Variants in CMTM1 observed in about 807,000 individuals in gnomAD.
CMTM1 encodes CKLF-like MARVEL transmembrane domain-containing protein 1.
CMTM1 carries 16 observed loss-of-function variants against 17.8 expected under a neutral mutation model. That is an observed-to-expected ratio of 0.90 (90% CI 0.61 to 1.37). The LOEUF (loss-of-function observed/expected upper bound fraction) is 1.37. CMTM1 is among the 40% of genes most tolerant of loss of function. The probability of loss-of-function intolerance (pLI) is 0.00; values close to 1 mark genes in which losing one functional copy is unlikely to be tolerated. For missense variants in CMTM1, 354 were observed against 375.6 expected (o/e 0.94, Z 0.47); for synonymous variants, 169 against 154.6 (o/e 1.09, Z -0.69).
rs975460384 is a variant in CMTM1, at chr16:66,566,701, C to T, written c.188C>T (p.Ser63Phe). ...HPAVSIRSAQSAAAARPQGSE... is the reference protein window; with the variant it reads ...HPAVSIRSAQFAAAARPQGSE... ...GCAGTCTCAATTCGCAGTGCGCAGT[C>T]CGCAGCCGCCGCACGTCCCCAAGGC... is the stretch of plus-strand genomic sequence containing the variant. Residue 63 changes from serine to phenylalanine, a missense_variant, in exon 1 of 4, where the codon TCC (serine) becomes TTC (phenylalanine). Ser to Phe is a radical substitution (Grantham distance 155). Coordinates refer to ENST00000379500, the MANE Select transcript of CMTM1 (RefSeq NM_052999.4). The surrounding 1 kb of genome is among the most constrained non-coding windows in gnomAD (Gnocchi z 4.9). The T allele has an allele frequency of 1.9e-6, 3 of 1,613,928 alleles. No individual in the cohort carries two copies. The highest frequency in any genetic ancestry group is 1.3e-5 in the African/African-American group (1 of 74,904).
chr16:66,567,842 T>C (rs1261044002), intron 1 of CMTM1, among the ~76,000 whole-genome samples: 1 of 152,186 alleles, frequency 6.6e-6, no homozygotes, highest in Non-Finnish European at 1.5e-5. Context: ...TGTGAATAAT[T>C]GGATGAAATG....
intron 2 of CMTM1, among the ~76,000 whole-genome samples, chr16:66,572,311 A>C (rs1440566315): frequency 6.6e-6 from 1 of 152,216 alleles, no homozygotes; most frequent in Admixed American, 6.5e-5. Context: ...TTTTTGAAAA[A>C]GACTCATCAA....
Position 66,566,840 on chromosome 16 carries a change from G to T in CMTM1, c.327G>T (p.Ala109=). Reference sequence around the variant, plus strand: ...AATCCAAACTCTTAAATGAGATGGCGATCAAAGAGCGCGTGGAGGGCCGAG... The same window carrying T: ...AATCCAAACTCTTAAATGAGATGGCTATCAAAGAGCGCGTGGAGGGCCGAG... ...HTESKLLNEM[A]IKERVEGRAK... The change falls in exon 1 of 4, where the codon GCG becomes GCT. Residue 109 remains alanine (A), a synonymous_variant. Coordinates refer to ENST00000379500, the MANE Select transcript of CMTM1 (RefSeq NM_052999.4). The surrounding 1 kb of genome is among the most constrained non-coding windows in gnomAD (Gnocchi z 4.9). 1 of 1,614,008 alleles carries T rather than the reference G, an allele frequency of 6.2e-7. No individual in the cohort carries two copies. Among genetic ancestry groups the T allele is most frequent in the Admixed American group, 1.7e-5 (1 of 60,010 alleles).
chr16:66,578,952 A>C lies in CMTM1; in HGVS notation c.812A>C (p.Lys271Thr), dbSNP rs1398060305. Residue 271 changes from lysine to threonine, a missense_variant, in exon 4 of 4, where the codon AAG (lysine) becomes ACG (threonine). Lys to Thr is a moderately conservative substitution (Grantham distance 78, BLOSUM62 -1). Coordinates refer to ENST00000379500, the MANE Select transcript of CMTM1 (RefSeq NM_052999.4). ...VEVERKLSPA[K>T]DAYPETGPDA... ...GTTGAAAGGAAGCTTTCCCCCGCCA[A>C]GGACGCCTACCCCGAAACCGGCCCC... is the stretch of plus-strand genomic sequence containing the variant. 8 of 1,613,996 alleles carry C rather than the reference A, an allele frequency of 5.0e-6. No homozygotes were observed. In the Admixed American group the frequency reaches 8.3e-5, roughly 17 times the overall value.
chr16:66,576,905 T>C (rs1441011651), intron 2 of CMTM1, among the ~76,000 whole-genome samples, 199 bp from the exon 3 acceptor site: 1 of 152,180 alleles, frequency 6.6e-6, no homozygotes, highest in Admixed American at 6.5e-5. Context: ...ACAGACAAAG[T>C]CATATCTAGG....
At chr16:66,574,257 A>G (rs949637046) in intron 2 of CMTM1, among the ~76,000 whole-genome samples, 1 of 152,352 alleles carries the variant, frequency 6.6e-6, no homozygotes, top group Middle Eastern at 3.4e-3. Flanking sequence ...CCTCCCACAC[A>G]TGGCCAAGCT....
intron 2 of CMTM1, 103 bp from the exon 3 acceptor site, chr16:66,577,001 G>T: frequency 1.0e-6 from 1 of 997,916 alleles, no homozygotes; most frequent in Non-Finnish European, 1.5e-6. Flanking sequence ...CAAATGGAAG[G>T]TTTTTTAAAG....
chr16:66,568,518 A>G (rs953112356), intron 1 of CMTM1, among the ~76,000 whole-genome samples: 8 of 152,202 alleles, frequency 5.3e-5, no homozygotes, highest in South Asian at 2.1e-4. Flanking sequence ...AAATGAGGGG[A>G]AAAATGATGC....
In CMTM1 at chr16:66,566,770, C is replaced by T. The variant is rs199641934; in HGVS notation, c.257C>T (p.Pro86Leu). The change falls in exon 1 of 4, where the codon CCC becomes CTC. Residue 86 changes from proline (P) to leucine (L), a missense_variant. Transcript: ENST00000379500. The surrounding 1 kb of genome is among the most constrained non-coding windows in gnomAD (Gnocchi z 4.9). ...APSRKATTRP[P>L]PKPTLPPPTP... ...TCAAGGAAAGCCACCACACGCCCACCCCCAAAGCCCACACTCCCACCCCCC... is the reference window on the plus strand; with the variant it reads ...TCAAGGAAAGCCACCACACGCCCACTCCCAAAGCCCACACTCCCACCCCCC... The T allele has an allele frequency of 1.9e-6, 3 of 1,613,294 alleles. No homozygotes were observed. Among genetic ancestry groups the T allele is most frequent in the African/African-American group, 2.7e-5 (2 of 74,854 alleles).
chr16:66,576,405 A>T (rs569779691), intron 2 of CMTM1, among the ~76,000 whole-genome samples: 10 of 152,120 alleles, frequency 6.6e-5, no homozygotes, highest in Non-Finnish European at 1.5e-4. Flanking sequence ...TCTCAAAAAA[A>T]AAAAAGAACT....
intron 2 of CMTM1, 47 bp downstream of exon 2, chr16:66,570,141 G>T: frequency 6.8e-7 from 1 of 1,476,408 alleles, no homozygotes. Context: ...TTTGCCCTCA[G>T]CCCCAGAGTA....
intron 2 of CMTM1, among the ~76,000 whole-genome samples, chr16:66,571,548 C>T (rs1324151812): frequency 1.3e-5 from 2 of 152,214 alleles, no homozygotes; most frequent in African/African-American, 4.8e-5. Flanking sequence ...TTTTCTATCT[C>T]CATTCTCCAT....
At chr16:66,567,327 C>G in intron 1 of CMTM1, 1 of 332,382 alleles carries the variant, frequency 3.0e-6, no homozygotes, top group South Asian at 2.6e-5. Context: ...TCCCTACAGG[C>G]CCCAGTGTGT....
Position 66,566,843 on chromosome 16 carries a change from C to G in CMTM1, c.330C>G (p.Ile110Met), listed in dbSNP as rs201906936. The change falls in exon 1 of 4, where the codon ATC (isoleucine) becomes ATG (methionine). Residue 110 changes from isoleucine (I) to methionine (M), a missense_variant. Coordinates refer to ENST00000379500, the MANE Select transcript of CMTM1 (RefSeq NM_052999.4). The surrounding 1 kb of genome is among the most constrained non-coding windows in gnomAD (Gnocchi z 4.9). ...CCAAACTCTTAAATGAGATGGCGAT[C>G]AAAGAGCGCGTGGAGGGCCGAGCCA... Reference protein sequence around the residue: ...TESKLLNEMAIKERVEGRAKV... With the variant: ...TESKLLNEMAMKERVEGRAKV... The G allele has an allele frequency of 5.0e-5, 81 of 1,614,066 alleles. 1 individual carries two copies. The East Asian group carries it at 1.0e-3, about 21-fold the overall frequency.
intron 1 of CMTM1, 151 bp from the exon 2 acceptor site, chr16:66,569,785 G>T (rs1030770196): frequency 1.8e-5 from 10 of 562,406 alleles, no homozygotes; most frequent in Middle Eastern, 2.8e-4. Context: ...TTATTTTCAT[G>T]TATTTCATTT....
rs1220143995 is a variant in CMTM1 at position 66,566,723 on chromosome 16, A to C, written c.210A>C (p.Gln70His). The C allele has an allele frequency of 6.8e-6, 11 of 1,613,850 alleles. 1 individual carries two copies. Among genetic ancestry groups the C allele is most frequent in the South Asian group, 1.1e-5 (1 of 91,066 alleles). ...SAQSAAAARP[Q>H]GSEGTAPSRK... Reference sequence around the variant, plus strand: ...AGTCCGCAGCCGCCGCACGTCCCCAAGGCAGTGAGGGCACCGCACCCTCAA... The same window carrying C: ...AGTCCGCAGCCGCCGCACGTCCCCACGGCAGTGAGGGCACCGCACCCTCAA... Residue 70 changes from glutamine to histidine, a missense_variant, in exon 1 of 4, where the codon CAA (glutamine) becomes CAC (histidine). Physicochemically the swap from Gln to His is conservative, Grantham distance 24. Transcript: ENST00000379500. The surrounding 1 kb of genome is among the most constrained non-coding windows in gnomAD (Gnocchi z 4.9).
At chr16:66,571,200 C>T (rs2013477870) in intron 2 of CMTM1, 1 of 456,904 alleles carries the variant, frequency 2.2e-6, no homozygotes, top group Non-Finnish European at 4.4e-6. Context: ...TGTGGAAGAC[C>T]CTTTTAGTTA....
In CMTM1 at chr16:66,566,613, G is replaced by C. The variant is rs2012385628; in HGVS notation, c.100G>C (p.Val34Leu). 1.2e-6 allele frequency: 2 copies of C among 1,614,030 alleles called. No homozygotes were observed. Among genetic ancestry groups the C allele is most frequent in the Non-Finnish European group, 1.7e-6 (2 of 1,179,962 alleles). The part of the protein sequence containing the change: ...AAALASSGSV[V>L]SSVPKAQRNI... ...AGCCCTGGCAAGTAGCGGCAGCGTA[G>C]TGAGTTCTGTACCCAAGGCACAGCG... The change falls in exon 1 of 4, where the codon GTG (valine) becomes CTG (leucine). Residue 34 changes from valine (V) to leucine (L), a missense_variant. By Grantham distance (32) the Val-to-Leu change is conservative. Transcript: ENST00000379500. This position sits in a 1 kb window ranked among gnomAD's most constrained non-coding sequence, Gnocchi z 4.9.
Position 66,578,988 on chromosome 16 carries a change from A to T in CMTM1, c.848A>T (p.Gln283Leu). 1 of 1,613,386 alleles carries T rather than the reference A, an allele frequency of 6.2e-7. No homozygotes were observed. The highest frequency in any genetic ancestry group is 8.5e-7 in the Non-Finnish European group (1 of 1,179,932). The change falls in exon 4 of 4, where the codon CAG becomes CTG. Residue 283 changes from glutamine to leucine, a missense_variant. Transcript: ENST00000379500. ...AYPETGPDAP[Q>L]RPA ...CCCGAAACCGGCCCCGACGCCCCGC[A>T]GAGGCCCGCCTGAAGCCAGCCCGGC...
Sources: gnomAD v4.1 joint callset for allele counts (sites outside exome capture counted in the v4.1 genomes callset) on GRCh38, gnomAD v4.1.1 for gene constraint, Gnocchi (gnomAD v3.1) non-coding constraint, MANE v1.5 for transcripts, NCBI Gene and HGNC (gene_info 2026-07-23, HGNC 2026-07-21) for gene names.